The following ADGRL1 variants were observed in gnomAD, a reference collection of about 807,000 sequenced individuals.
ADGRL1 encodes the protein CIRL-1.
A neutral mutation model predicts 148.9 loss-of-function variants in ADGRL1; 31 were observed. That is an observed-to-expected ratio of 0.21 (90% CI 0.16 to 0.28). The LOEUF (loss-of-function observed/expected upper bound fraction) is 0.28. ADGRL1 is among the 10% of genes least tolerant of loss of function. The pLI, the probability that ADGRL1 is intolerant of heterozygous loss-of-function variation, is 1.00. For missense variants in ADGRL1, 1,521 were observed against 2,058.8 expected, an observed-to-expected ratio of 0.74 and a Z score of 5.05; for synonymous variants, 937 against 900.3, an observed-to-expected ratio of 1.04 and a Z score of -0.73.
Position 14,159,156 on chromosome 19 carries a change from C to G in ADGRL1, c.2083G>C (p.Glu695Gln), listed in dbSNP as rs1395613698. The change falls in exon 11 of 23, where the codon GAG becomes CAG. Residue 695 changes from glutamate to glutamine, a missense_variant. Around this residue, in one of 8 missense-constraint regions of ADGRL1, gnomAD observed 265 missense variants for 431.9 expected, o/e 0.61. Transcript: ENST00000361434. This position sits in a 1 kb window ranked among gnomAD's most constrained non-coding sequence, Gnocchi z 6.0. ...ATGGAGTTCTTTCTCGGGTACTCCT[C>G]CTGGGGGAACACCAGCTCCTGCACC... The part of the protein sequence containing the change: ...GQVQELVFPQ[E>Q]EYPRKNSIQL... 6.2e-7 allele frequency: 1 copy of G among 1,614,090 alleles called. No homozygotes were observed. The highest frequency in any genetic ancestry group is 8.5e-7 in the Non-Finnish European group (1 of 1,180,004).
At chr19:14,200,180 G>A (rs1009123819) in intron 1 of ADGRL1, among the ~76,000 whole-genome samples, 10 of 152,212 alleles carry the variant, frequency 6.6e-5, no homozygotes, top group Non-Finnish European at 1.2e-4. Flanking sequence ...GTCACAGCCC[G>A]TGCAAAGGCC....
intron 1 of ADGRL1, among the ~76,000 whole-genome samples, chr19:14,194,349 C>A (rs988094073): frequency 6.6e-6 from 1 of 152,140 alleles, no homozygotes; most frequent in African/African-American, 2.4e-5. Flanking sequence ...GAGATGGGGG[C>A]AAGGGCCTGA....
intron 12 of ADGRL1, 32 bp from the exon 13 acceptor site, chr19:14,158,084 T>TA: frequency 6.2e-7 from 1 of 1,610,776 alleles, no homozygotes; most frequent in Non-Finnish European, 8.5e-7. Context: ...GTGTCATAAC[T>TA]AGAGTCAGAA....
chr19:14,149,926 T>G lies in ADGRL1; in HGVS notation c.*947A>C, dbSNP rs1002685704. The G allele has an allele frequency of 6.7e-6, 1 of 148,348 alleles. No homozygotes were observed. Among genetic ancestry groups the G allele is most frequent in the Admixed American group, 6.8e-5 (1 of 14,642 alleles). The allele number at this position is 148,348 out of a possible 1,614,324, so 9.2% of individuals were successfully genotyped here. On this transcript the variant is annotated 3_prime_UTR_variant, in exon 23 of 23. Transcript: ENST00000361434. Reference sequence around the variant, plus strand: ...TGATGAGATTTTTTTTCTTTTCTTTTTTTTTTTTTTTGTCTTTTTTTTTTC... The same window carrying G: ...TGATGAGATTTTTTTTCTTTTCTTTGTTTTTTTTTTTGTCTTTTTTTTTTC...
chr19:14,150,218 G>C lies in ADGRL1; in HGVS notation c.*655C>G. On this transcript the variant is annotated 3_prime_UTR_variant, in exon 23 of 23. Transcript: ENST00000361434. ...GTCATTGGGTGCACTGGGAGGCAGA[G>C]GGGGCAGGTTTGCTTGCGGGGCAGG... 6.5e-6 allele frequency: 1 copy of C among 152,952 alleles called. No homozygotes were observed. 9.5% of individuals were successfully genotyped at this position (152,952 alleles called of 1,614,324 possible). A position where few individuals can be genotyped will look rare whatever the true frequency, so the allele number is the denominator to read the frequency against.
In ADGRL1 at chr19:14,170,756, C is replaced by T. The variant is rs771973078; in HGVS notation, c.320G>A (p.Gly107Asp). The T allele has an allele frequency of 6.2e-7, 1 of 1,612,006 alleles. No homozygotes were observed. The highest frequency in any genetic ancestry group is 1.1e-5 in the South Asian group (1 of 90,944). Residue 107 changes from glycine (G) to aspartate (D), a missense_variant, in exon 4 of 23, where the codon GGC (glycine) becomes GAC (aspartate). Gly to Asp is a moderately conservative substitution (Grantham distance 94). Coordinates refer to ENST00000361434, the MANE Select transcript of ADGRL1 (RefSeq NM_014921.5). Reference protein sequence around the residue: ...NNRTQCVVVAGSDAFPDPCPG... With the variant: ...NNRTQCVVVADSDAFPDPCPG... ...ACAGGGGTCAGGAAAGGCATCCGAG[C>T]CGGCGACCACCACGCACTGGGTGCG...
Position 14,163,290 on chromosome 19 carries a change from C to A in ADGRL1, c.511G>T (p.Val171Leu). ...GTGCGGTAGGGGATCCAGGGCATCA[C>A]GTAGATGCGGTCACCCGCCTGCAGC... ...DPLQAGDRIY[V>L]MPWIPYRTDT... The change falls in exon 5 of 23, where the codon GTG becomes TTG. Residue 171 changes from valine to leucine, a missense_variant. This residue lies in a region of ADGRL1 where 334 missense variants were observed against 512.5 expected (regional missense o/e 0.65). Transcript: ENST00000361434. 1 of 1,613,644 alleles carries A rather than the reference C, an allele frequency of 6.2e-7. No individual in the cohort carries two copies. The highest frequency in any genetic ancestry group is 8.5e-7 in the Non-Finnish European group (1 of 1,180,008).
Position 14,151,025 on chromosome 19 carries a change from TGTA to T in ADGRL1, c.4255_4257del (p.Tyr1419del), listed in dbSNP as rs753988434. On this transcript the variant is annotated inframe_deletion, in exon 23 of 23. Transcript: ENST00000361434. ...GCCACCAGGGCTGGCGGGCGCGAGG[TGTA>T]GTAGATTTCGGGGGGGCCGGGGGGT... is the stretch of plus-strand genomic sequence containing the variant. 5.6e-5 allele frequency: 84 copies of T among 1,510,316 alleles called. No homozygotes were observed. The highest frequency in any genetic ancestry group is 6.5e-5 in the Non-Finnish European group (74 of 1,131,814). The allele number at this position is 1,510,316 out of a possible 1,614,324, so 93.6% of individuals were successfully genotyped here.
At chr19:14,165,299 G>A (rs1969846711) in intron 4 of ADGRL1, among the ~76,000 whole-genome samples, 1 of 152,162 alleles carries the variant, frequency 6.6e-6, no homozygotes, top group South Asian at 2.1e-4. Flanking sequence ...TGCCCTGAGG[G>A]GTCGGCCTGC....
intron 3 of ADGRL1, among the ~76,000 whole-genome samples, chr19:14,172,170 C>T (rs1488909030): frequency 1.3e-5 from 2 of 152,216 alleles, no homozygotes; most frequent in African/African-American, 4.8e-5. Context: ...GCCTGTAATC[C>T]CAGCACTTTG....
Position 14,157,095 on chromosome 19 carries a change from G to A in ADGRL1, c.2796C>T (p.Ala932=). The change falls in exon 15 of 23, where the codon GCC becomes GCT. Residue 932 remains alanine, a synonymous_variant. Coordinates refer to ENST00000361434, the MANE Select transcript of ADGRL1 (RefSeq NM_014921.5). This position sits in a 1 kb window ranked among gnomAD's most constrained non-coding sequence, Gnocchi z 7.5. ...AGLLHYFFLA[A]FSWLCLEGVH... ...CGCCCTCCAGGCACAGCCAGGAGAA[G>A]GCAGCCAGGAAGAAATAGTGCAGCA... 1 of 1,614,142 alleles carries A rather than the reference G, an allele frequency of 6.2e-7. No individual in the cohort carries two copies. The highest frequency in any genetic ancestry group is 8.5e-7 in the Non-Finnish European group (1 of 1,180,022).
chr19:14,173,856 A>C (rs1432681897), intron 3 of ADGRL1, among the ~76,000 whole-genome samples: 2 of 147,398 alleles, frequency 1.4e-5, no homozygotes, highest in Non-Finnish European at 3.0e-5. Flanking sequence ...CTGAAGCAGG[A>C]GGACTGTTTG....
rs764583438 is a variant in ADGRL1, at chr19:14,152,841, G to A, written c.3366C>T (p.His1122=). Residue 1122 remains histidine (H), a synonymous_variant, in exon 19 of 23, where the codon CAC becomes CAT. Transcript: ENST00000361434. This position sits in a 1 kb window ranked among gnomAD's most constrained non-coding sequence, Gnocchi z 6.1. ...GCATGGCTGAGGTCTTGAGGGATCC[G>A]TGAGTGCCCCCGGGTGGGGAGCGGA... ...CCIRSPPGGT[H]GSLKTSAMRS... 24 of 1,614,046 alleles carry A rather than the reference G, an allele frequency of 1.5e-5. No homozygotes were observed. Among genetic ancestry groups the A allele is most frequent in the East Asian group, 2.2e-5 (1 of 44,884 alleles).
intron 1 of ADGRL1, among the ~76,000 whole-genome samples, chr19:14,203,449 T>C (rs570806892): frequency 2.9e-4 from 44 of 151,434 alleles, no homozygotes; most frequent in African/African-American, 1.0e-3. Context: ...AAGCAACACA[T>C]GCTCTGCCAC....
At chr19:14,195,163 G>C (rs1008945552) in intron 1 of ADGRL1, among the ~76,000 whole-genome samples, 6 of 152,124 alleles carry the variant, frequency 3.9e-5, no homozygotes, top group African/African-American at 1.4e-4. Flanking sequence ...GGGATTACAG[G>C]TGTACCCAGG....
In ADGRL1 at chr19:14,161,318, T is replaced by A; in HGVS notation, c.1504A>T (p.Thr502Ser). 14 of 1,581,870 alleles carry A rather than the reference T, an allele frequency of 8.9e-6. No homozygotes were observed. Among genetic ancestry groups the A allele is most frequent in the Non-Finnish European group, 1.2e-5 (14 of 1,168,578 alleles). The change falls in exon 6 of 23, where the codon ACT becomes TCT. Residue 502 changes from threonine to serine, a missense_variant. Transcript: ENST00000361434. The surrounding 1 kb of genome is among the most constrained non-coding windows in gnomAD (Gnocchi z 4.4). ...CTGCAGCCTCTGTACTCACCTCGAG[T>A]CCCCTTGGGGCAGGGCCTCTCCACC... ...MLVERPCPKGTRGIASFQCLP... is the reference protein window; with the variant it reads ...MLVERPCPKGSRGIASFQCLP...
At chr19:14,185,476 T>C (rs767619270) in intron 1 of ADGRL1, among the ~76,000 whole-genome samples, 7 of 152,014 alleles carry the variant, frequency 4.6e-5, no homozygotes, top group Non-Finnish European at 8.8e-5. Flanking sequence ...AAATGTCTTA[T>C]AGAGACAGGA....
chr19:14,179,724 T>TG (rs1269201470), intron 2 of ADGRL1, among the ~76,000 whole-genome samples: 1 of 151,120 alleles, frequency 6.6e-6, no homozygotes, highest in Non-Finnish European at 1.5e-5. Context: ...CTGGCCAACA[T>TG]GGTGAAACCC....
In ADGRL1 at chr19:14,159,662, TCTC is replaced by T. The variant is rs1969137022; in HGVS notation, c.1839+70_1839+72del. 1 of 1,598,838 alleles carries T rather than the reference TCTC, an allele frequency of 6.3e-7. No homozygotes were observed. The highest frequency in any genetic ancestry group is 1.7e-5 in the Admixed American group (1 of 59,900). ...TGGGGGTGGGCTCTGCATGCCCTCT[TCTC>T]AACCTCCACCCCTAATCCCCCCATC... is the stretch of plus-strand genomic sequence containing the variant. On this transcript the variant is annotated intron_variant, in intron 9 of 22. Coordinates refer to ENST00000361434, the MANE Select transcript of ADGRL1 (RefSeq NM_014921.5). The surrounding 1 kb of genome is among the most constrained non-coding windows in gnomAD (Gnocchi z 6.0).
Sources: allele counts gnomAD v4.1 joint callset (sites outside exome capture counted in the v4.1 genomes callset), GRCh38; gene constraint gnomAD v4.1.1; regional missense constraint gnomAD v4.1.1; non-coding constraint Gnocchi (gnomAD v3.1); transcripts MANE v1.5; gene names NCBI Gene and HGNC (gene_info 2026-07-23, HGNC 2026-07-21).